MUC5AC: variants seen among roughly 807,000 people sequenced by gnomAD.
The protein encoded by MUC5AC is mucin 5AC, oligomeric mucus/gel-forming.
In MUC5AC, 158 loss-of-function variants were observed where a neutral mutation model predicts 169.7. The observed-to-expected ratio is 0.93, with a 90% confidence interval of 0.82 to 1.06. MUC5AC has a LOEUF of 1.06. MUC5AC is among the 50% of genes least tolerant of loss of function. The probability of loss-of-function intolerance (pLI) is 0.00; values close to 1 mark genes in which losing one functional copy is unlikely to be tolerated. For missense variants in MUC5AC, 4,359 were observed against 3,089.9 expected, an observed-to-expected ratio of 1.41 and a Z score of -9.74; for synonymous variants, 1,975 against 1,237.0, an observed-to-expected ratio of 1.60 and a Z score of -12.52.
At chr11:1,159,385 TG>T (rs1860055865) in intron 1 of MUC5AC, among the ~76,000 whole-genome samples, 1 of 147,912 alleles carries the variant, frequency 6.8e-6, no homozygotes, top group Admixed American at 6.7e-5. Flanking sequence ...TGTGCGGGGC[TG>T]GGGTCCAGTC....
In MUC5AC at chr11:1,199,141, G is replaced by A. The variant is rs552357932; in HGVS notation, c.16351G>A (p.Ala5451Thr). The change falls in exon 45 of 49, where the codon GCC becomes ACC. Residue 5451 changes from alanine to threonine, a missense_variant. By Grantham distance (58) the Ala-to-Thr change is moderately conservative. Transcript: ENST00000621226. ...GTGCTGTGGCACCTGTGTGCAGGTCGCCTGTGTCACCAACACCAGCAAGAG... is the reference window on the plus strand; with the variant it reads ...GTGCTGTGGCACCTGTGTGCAGGTCACCTGTGTCACCAACACCAGCAAGAG... ...GQCCGTCVQV[A>T]CVTNTSKSPA... is the part of the protein sequence containing the mutation. The A allele has an allele frequency of 9.4e-5, 72 of 764,704 alleles. No individual in the cohort carries two copies. The highest frequency in any genetic ancestry group is 8.9e-4 in the South Asian group (66 of 74,544). The allele number at this position is 764,704 out of a possible 1,614,324, so 47.4% of individuals were successfully genotyped here. A position where few individuals can be genotyped will look rare whatever the true frequency, so the allele number is the denominator to read the frequency against.
Position 1,196,719 on chromosome 11 carries a change from C to T in MUC5AC, c.15828C>T (p.Pro5276=), listed in dbSNP as rs1396981067. The T allele has an allele frequency of 2.6e-6, 2 of 754,814 alleles. No homozygotes were observed. Among genetic ancestry groups the T allele is most frequent in the African/African-American group, 1.7e-5 (1 of 58,926 alleles). The allele number at this position is 754,814 out of a possible 1,614,324, so 46.8% of individuals were successfully genotyped here. ...AAGTCTGCGTGCCCACGGGCTGCCCCAGTACGTGCCCCAGGCCGGGGCTGG... is the reference window on the plus strand; with the variant it reads ...AAGTCTGCGTGCCCACGGGCTGCCCTAGTACGTGCCCCAGGCCGGGGCTGG... The part of the protein sequence containing the change: ...SAQVCVPTGC[P]RCLGPHGEPV... The change falls in exon 39 of 49, where the codon CCC becomes CCT. Residue 5276 remains proline (P), a splice_region_variant and synonymous_variant. Coordinates refer to ENST00000621226, the MANE Select transcript of MUC5AC (RefSeq NM_001304359.2).
At position 1,164,272 on chromosome 11, in the gene MUC5AC, C is replaced by A. The variant is rs772120353; in HGVS notation, c.956C>A (p.Thr319Asn). ...HTLAEYSRQC[T>N]HAGGLPQDWR... ...CTTGCCGAGTACTCCCGGCAGTGCA[C>A]CCATGCAGGGGGGTTGCCCCAGGAC... The change falls in exon 8 of 49, where the codon ACC (threonine) becomes AAC (asparagine). Residue 319 changes from threonine to asparagine, a missense_variant. Thr to Asn is a moderately conservative substitution (Grantham distance 65). Transcript: ENST00000621226. 16 of 1,612,484 alleles carry A rather than the reference C, an allele frequency of 9.9e-6. No homozygotes were observed. The highest frequency in any genetic ancestry group is 1.4e-5 in the Non-Finnish European group (16 of 1,179,870).
At chr11:1,165,869 T>C in intron 11 of MUC5AC, 109 bp downstream of exon 11, 1 of 1,488,788 alleles carries the variant, frequency 6.7e-7, no homozygotes, top group Non-Finnish European at 9.1e-7. Flanking sequence ...GGGGTCACCC[T>C]TGGGGGTCCC....
intron 1 of MUC5AC, among the ~76,000 whole-genome samples, chr11:1,159,396 C>A: frequency 7.2e-6 from 1 of 139,690 alleles, no homozygotes; most frequent in East Asian, 2.2e-4. Context: ...GGGGTCCAGT[C>A]CCACGATGAT....
chr11:1,164,060 C>A (rs756046297), intron 7 of MUC5AC, 46 bp from the exon 8 acceptor site: 6 of 1,610,138 alleles, frequency 3.7e-6, no homozygotes, highest in Non-Finnish European at 5.1e-6. Context: ...GGAACCGGTC[C>A]AGATCCCCCA....
chr11:1,182,388 G>A lies in MUC5AC; in HGVS notation c.4243G>A (p.Ala1415Thr), dbSNP rs931641844. 1.1e-3 allele frequency: 445 copies of A among 398,588 alleles called. 3 individuals are homozygous for A. The highest frequency in any genetic ancestry group is 8.5e-3 in the African/African-American group (414 of 48,750). 24.7% of individuals were successfully genotyped at this position (398,588 alleles called of 1,614,324 possible). Residue 1415 changes from alanine (A) to threonine (T), a missense_variant, in exon 31 of 49, where the codon GCC becomes ACC. By Grantham distance (58) the Ala-to-Thr change is moderately conservative. Coordinates refer to ENST00000621226, the MANE Select transcript of MUC5AC (RefSeq NM_001304359.2). ...GDFDTLENLR[A>T]HGYRVCESPR... Reference sequence around the variant, plus strand: ...CTTCGACACACTGGAGAACCTCCGCGCCCATGGGTACCGGGTGTGCGAATC... The same window carrying A: ...CTTCGACACACTGGAGAACCTCCGCACCCATGGGTACCGGGTGTGCGAATC...
At position 1,161,971 on chromosome 11, in the gene MUC5AC, C is replaced by T. The variant is rs781361370; in HGVS notation, c.276C>T (p.Phe92=). The T allele has an allele frequency of 4.8e-5, 78 of 1,612,166 alleles. 2 individuals carry two copies. The highest frequency in any genetic ancestry group is 4.3e-4 in the South Asian group (39 of 90,962). ...STWGSFHYKT[F]DGDVFRFPGL... is the part of the protein sequence containing the mutation. ...GGGGCAGCTTCCACTACAAGACCTT[C>T]GACGGCGACGTCTTCCGCTTCCCCG... The change falls in exon 4 of 49, where the codon TTC becomes TTT. Residue 92 remains phenylalanine, a synonymous_variant. Coordinates refer to ENST00000621226, the MANE Select transcript of MUC5AC (RefSeq NM_001304359.2).
intron 15 of MUC5AC, among the ~76,000 whole-genome samples, chr11:1,170,638 C>T (rs1162748439): frequency 7.0e-6 from 1 of 143,300 alleles, no homozygotes; most frequent in African/African-American, 2.6e-5. Context: ...CCCACTCACC[C>T]ATTCACCCAT....
At position 1,165,368 on chromosome 11, in the gene MUC5AC, A is replaced by G; in HGVS notation, c.1196A>G (p.Asn399Ser). Residue 399 changes from asparagine (N) to serine (S), a missense_variant, in exon 10 of 49, where the codon AAC becomes AGC. By Grantham distance (46) the Asn-to-Ser change is conservative. Transcript: ENST00000621226. Reference protein sequence around the residue: ...VPVSKCACVYNGAAYAPGATY... With the variant: ...VPVSKCACVYSGAAYAPGATY... ...GTGTCAAAGTGTGCCTGCGTCTACA[A>G]CGGGGCTGCCTATGCCCCAGGGGCC... The G allele has an allele frequency of 6.2e-7, 1 of 1,612,444 alleles. No homozygotes were observed. The highest frequency in any genetic ancestry group is 8.5e-7 in the Non-Finnish European group (1 of 1,179,722).
intron 16 of MUC5AC, 110 bp from the exon 17 acceptor site, chr11:1,174,386 A>C (rs1860623028): frequency 1.6e-6 from 1 of 639,792 alleles, no homozygotes; most frequent in South Asian, 2.0e-5. Context: ...GGGGGCAGGA[A>C]GACCTGGGAT....
chr11:1,168,461 A>T (rs1220204137), intron 12 of MUC5AC, 22 bp from the exon 13 acceptor site: 1 of 1,610,572 alleles, frequency 6.2e-7, no homozygotes, highest in African/African-American at 1.3e-5. Context: ...CCGCGCTCAC[A>T]CATCTGTCTG....
chr11:1,185,343 C>G lies in MUC5AC; in HGVS notation c.7198C>G (p.Pro2400Ala). The change falls in exon 31 of 49, where the codon CCT becomes GCT. Residue 2400 changes from proline (P) to alanine (A), a missense_variant. Pro to Ala is a conservative substitution (Grantham distance 27, BLOSUM62 -1). Coordinates refer to ENST00000621226, the MANE Select transcript of MUC5AC (RefSeq NM_001304359.2). ...TCCTGAAACTACTCCCAGCCCTGTTCCTACCACCAGCACAACCTCTGCCAC... is the reference window on the plus strand; with the variant it reads ...TCCTGAAACTACTCCCAGCCCTGTTGCTACCACCAGCACAACCTCTGCCAC... ...SGPETTPSPV[P>A]TTSTTSATTT... 1.4e-6 allele frequency: 1 copy of G among 712,404 alleles called. No individual in the cohort carries two copies. Among genetic ancestry groups the G allele is most frequent in the South Asian group, 1.4e-5 (1 of 69,134 alleles). 44.1% of individuals were successfully genotyped at this position (712,404 alleles called of 1,614,324 possible).
chr11:1,175,454 G>A (rs1860646031), intron 19 of MUC5AC, among the ~76,000 whole-genome samples, 184 bp downstream of exon 19: 1 of 144,118 alleles, frequency 6.9e-6, no homozygotes. Flanking sequence ...AGGGTGTGGG[G>A]CGCACATATG....
intron 40 of MUC5AC, 78 bp downstream of exon 40, chr11:1,196,986 G>C: frequency 1.4e-6 from 1 of 713,736 alleles, no homozygotes; most frequent in Admixed American, 2.0e-5. Context: ...ACCGGCCCCA[G>C]AAATGGTCAG....
Position 1,179,208 on chromosome 11 carries a change from A to G in MUC5AC, c.3444A>G (p.Glu1148=). 1.5e-6 allele frequency: 1 copy of G among 669,600 alleles called. No individual in the cohort carries two copies. Among genetic ancestry groups the G allele is most frequent in the Non-Finnish European group, 2.7e-6 (1 of 368,170 alleles). 41.5% of individuals were successfully genotyped at this position (669,600 alleles called of 1,614,324 possible). Residue 1148 remains glutamate (E), a synonymous_variant, in exon 26 of 49, where the codon GAA becomes GAG. Coordinates refer to ENST00000621226, the MANE Select transcript of MUC5AC (RefSeq NM_001304359.2). ...AVAAYAQACH[E]VGLCVSWRTP... ...CCGCCTACGCCCAGGCCTGCCATGA[A>G]GTAGGCCTGTGTGTGTCCTGGCGGA...
Position 1,189,250 on chromosome 11 carries a change from C to T in MUC5AC, c.11105C>T (p.Thr3702Met), listed in dbSNP as rs1193854625. The T allele has an allele frequency of 4.2e-5, 25 of 593,574 alleles. No individual in the cohort carries two copies. The highest frequency in any genetic ancestry group is 1.3e-4 in the African/African-American group (7 of 54,042). The allele number at this position is 593,574 out of a possible 1,614,324, so 36.8% of individuals were successfully genotyped here. A position where few individuals can be genotyped will look rare whatever the true frequency, so the allele number is the denominator to read the frequency against. ...ACCAGCACAACCTCTGCTCCCACAACGAGCACAACTTCTGCCCCTACAACC... is the reference window on the plus strand; with the variant it reads ...ACCAGCACAACCTCTGCTCCCACAATGAGCACAACTTCTGCCCCTACAACC... ...PTTSTTSAPT[T>M]STTSAPTTST... The change falls in exon 31 of 49, where the codon ACG becomes ATG. Residue 3702 changes from threonine (T) to methionine (M), a missense_variant. Thr to Met is a moderately conservative substitution (Grantham distance 81). Coordinates refer to ENST00000621226, the MANE Select transcript of MUC5AC (RefSeq NM_001304359.2).
Position 1,185,376 on chromosome 11 carries a change from A to C in MUC5AC, c.7231A>C (p.Ser2411Arg). The C allele has an allele frequency of 1.4e-6, 1 of 719,702 alleles. No homozygotes were observed. Among genetic ancestry groups the C allele is most frequent in the Non-Finnish European group, 2.5e-6 (1 of 394,790 alleles). The allele number at this position is 719,702 out of a possible 1,614,324, so 44.6% of individuals were successfully genotyped here. ...TTSTTSATTT[S>R]TTSAPTTSTT... ...CAGCACAACCTCTGCCACTACAACCAGCACAACCTCAGCTCCTACAACCAG... is the reference window on the plus strand; with the variant it reads ...CAGCACAACCTCTGCCACTACAACCCGCACAACCTCAGCTCCTACAACCAG... The change falls in exon 31 of 49, where the codon AGC becomes CGC. Residue 2411 changes from serine to arginine, a missense_variant. By Grantham distance (110) the Ser-to-Arg change is moderately radical (BLOSUM62 -1). Coordinates refer to ENST00000621226, the MANE Select transcript of MUC5AC (RefSeq NM_001304359.2).
At chr11:1,195,629 T>TG (rs910929626) in intron 36 of MUC5AC, among the ~76,000 whole-genome samples, 2 of 136,326 alleles carry the variant, frequency 1.5e-5, no homozygotes, top group Admixed American at 7.3e-5. Flanking sequence ...GGGCAGGGGC[T>TG]GGGGGGGCCA....
Sources: gnomAD v4.1 joint callset for allele counts (sites outside exome capture counted in the v4.1 genomes callset) on GRCh38, gnomAD v4.1.1 for gene constraint, MANE v1.5 for transcripts, NCBI Gene and HGNC (gene_info 2026-07-23, HGNC 2026-07-21) for gene names.